Variants in ESR1 observed in about 807,000 individuals in gnomAD.
ESR1 encodes the protein estrogen receptor 1.
ESR1 carries 12 observed loss-of-function variants against 52.7 expected under a neutral mutation model. The ratio of observed to expected loss-of-function variants is 0.23; its 90% CI spans 0.15 to 0.37. The LOEUF (loss-of-function observed/expected upper bound fraction) is 0.37, where lower values mean the gene tolerates loss of function less well. Ranked by LOEUF, ESR1 falls within the 10% of genes least tolerant of loss-of-function variation. The pLI, the probability that ESR1 is intolerant of heterozygous loss-of-function variation, is 1.00. For missense variants in ESR1, 584 were observed against 779.7 expected (o/e 0.75, Z 2.99); for synonymous variants, 305 against 316.8 (o/e 0.96, Z 0.39).
At chr6:151,767,104 A>G (rs1320240527) in intron 2 of ESR1, among the ~76,000 whole-genome samples, 3 of 152,114 alleles carry the variant, frequency 2.0e-5, no homozygotes, top group Non-Finnish European at 4.4e-5. Flanking sequence ...TCATTCTTTC[A>G]TCTGTTTCTT....
intron 3 of ESR1, among the ~76,000 whole-genome samples, chr6:151,891,733 T>G (rs1310902985): frequency 6.6e-6 from 1 of 152,146 alleles, no homozygotes; most frequent in Non-Finnish European, 1.5e-5. Context: ...GATAGACATA[T>G]GCATGAGTAA....
chr6:152,062,768 C>T (rs2813542), intron 6 of ESR1, among the ~76,000 whole-genome samples: 3,609 of 152,222 alleles, frequency 0.024, 70 homozygotes, highest in Admixed American at 0.058. Context: ...AGTGTTAAGA[C>T]TCCCCACCCC....
At chr6:151,966,595 C>G (rs993043573) in intron 4 of ESR1, among the ~76,000 whole-genome samples, 33 of 152,200 alleles carry the variant, frequency 2.2e-4, no homozygotes, top group African/African-American at 7.9e-4. Context: ...TTAGAATTCT[C>G]TTACACGTAA....
intron 2 of ESR1, among the ~76,000 whole-genome samples, chr6:151,739,760 CT>C (rs1407458483): frequency 6.6e-6 from 1 of 152,178 alleles, no homozygotes; most frequent in African/African-American, 2.4e-5. Flanking sequence ...TCATTTTGGA[CT>C]TCTGTCTTTA....
At chr6:151,777,527 A>T (rs1211457013) in intron 2 of ESR1, among the ~76,000 whole-genome samples, 1 of 152,186 alleles carries the variant, frequency 6.6e-6, no homozygotes, top group African/African-American at 2.4e-5. Flanking sequence ...CATGTGGAGA[A>T]TGTTGGTGAT....
chr6:151,978,716 A>G (rs1334314621), intron 4 of ESR1, among the ~76,000 whole-genome samples: 1 of 152,164 alleles, frequency 6.6e-6, no homozygotes, highest in Admixed American at 6.5e-5. Context: ...CACACCTTCA[A>G]TATGTTGGGA....
In ESR1 at chr6:151,902,267, G is replaced by GT. The variant is rs200514779; in HGVS notation, c.760+21497dup. 9.0e-3 allele frequency among the ~76,000 whole-genome samples: 1,369 copies of GT among 152,198 alleles called. 11 individuals are homozygous for GT. The highest frequency in any genetic ancestry group is 0.041 in the Middle Eastern group (12 of 294). On this transcript the variant is annotated intron_variant, in intron 3 of 7. Transcript: ENST00000206249. ...TGGAGTTGGCCTAAAAATTCCTGCTGTATCACCTCACCCACCAGTTTTGAT... is the reference window on the plus strand; with the variant it reads ...TGGAGTTGGCCTAAAAATTCCTGCTGTTATCACCTCACCCACCAGTTTTGAT...
At chr6:151,740,384 C>A (rs1175943376) in intron 2 of ESR1, among the ~76,000 whole-genome samples, 1 of 148,058 alleles carries the variant, frequency 6.8e-6, no homozygotes, top group African/African-American at 2.5e-5. Flanking sequence ...GATCTACCTG[C>A]CTCGGCCTCC....
chr6:151,986,820 G>C (rs1326451894), intron 4 of ESR1, among the ~76,000 whole-genome samples: 3 of 152,078 alleles, frequency 2.0e-5, no homozygotes, highest in African/African-American at 7.3e-5. Flanking sequence ...TAAAGAATAT[G>C]AATCATTTGT....
chr6:151,900,505 G>C (rs1452758417), intron 3 of ESR1, among the ~76,000 whole-genome samples: 1 of 152,120 alleles, frequency 6.6e-6, no homozygotes, highest in Non-Finnish European at 1.5e-5. Context: ...TTTTTGAGGG[G>C]TATTAAAGAA....
chr6:151,857,884 C>G (rs1788155139), intron 2 of ESR1, among the ~76,000 whole-genome samples: 1 of 152,152 alleles, frequency 6.6e-6, no homozygotes, highest in African/African-American at 2.4e-5. Context: ...GTGACTATCT[C>G]TGAATGATAG....
intron 3 of ESR1, among the ~76,000 whole-genome samples, chr6:151,910,685 T>C (rs943298367): frequency 1.3e-5 from 2 of 152,204 alleles, no homozygotes; most frequent in Non-Finnish European, 2.9e-5. Flanking sequence ...GTTTTCAAAG[T>C]AGTTTTGAAA....
chr6:152,074,357 G>C (rs2048567819), intron 6 of ESR1, among the ~76,000 whole-genome samples: 1 of 152,130 alleles, frequency 6.6e-6, no homozygotes, highest in Non-Finnish European at 1.5e-5. Context: ...AGCCTTTTCA[G>C]ATTGGCTTCT....
intron 3 of ESR1, among the ~76,000 whole-genome samples, chr6:151,942,160 C>A (rs1172486931): frequency 1.3e-5 from 2 of 152,178 alleles, no homozygotes; most frequent in Admixed American, 6.5e-5. Context: ...AGTTGAAATG[C>A]CTGATCCAGG....
chr6:151,994,533 G>C (rs2041306530), intron 4 of ESR1, among the ~76,000 whole-genome samples: 1 of 152,130 alleles, frequency 6.6e-6, no homozygotes, highest in Admixed American at 6.6e-5. Flanking sequence ...AGACCGTAAG[G>C]GTGAGCTGAT....
intron 4 of ESR1, among the ~76,000 whole-genome samples, chr6:152,007,926 C>T (rs1211506578): frequency 1.3e-5 from 2 of 152,134 alleles, no homozygotes; most frequent in African/African-American, 4.8e-5. Flanking sequence ...ATTATTATAG[C>T]AGGTTCATTT....
chr6:151,815,593 ATC>A (rs1365227559), intron 1 of ESR1, among the ~76,000 whole-genome samples: 2 of 152,196 alleles, frequency 1.3e-5, no homozygotes, highest in African/African-American at 4.8e-5. Context: ...AAGTTTGTGA[ATC>A]TCTCTTTCTC....
chr6:151,781,582 A>G (rs1316882952), intron 2 of ESR1, among the ~76,000 whole-genome samples: 1 of 152,238 alleles, frequency 6.6e-6, no homozygotes, highest in African/African-American at 2.4e-5. Flanking sequence ...CTCCCAATCC[A>G]GAATGTTTGA....
intron 2 of ESR1, among the ~76,000 whole-genome samples, chr6:151,749,412 C>A (rs1049149378): frequency 6.6e-6 from 1 of 152,088 alleles, no homozygotes; most frequent in East Asian, 1.9e-4. Context: ...TTTATCATTT[C>A]TTTGTGGTAA....
Sources: allele counts gnomAD v4.1 joint callset (sites outside exome capture counted in the v4.1 genomes callset), GRCh38; gene constraint gnomAD v4.1.1; transcripts MANE v1.5; gene names NCBI Gene and HGNC (gene_info 2026-07-23, HGNC 2026-07-21).